The following INSYN2A variants were observed in gnomAD, a reference collection of about 807,000 sequenced individuals.
INSYN2A encodes inhibitory synaptic factor 2A.
Under a neutral mutation model 39.4 loss-of-function variants are expected in INSYN2A, and 17 were observed. The observed-to-expected ratio is 0.43, with a 90% CI of 0.30 to 0.65. The LOEUF (loss-of-function observed/expected upper bound fraction) is 0.65. Among genes scored for constraint, INSYN2A ranks in the 30% least tolerant of loss-of-function variants. The pLI is 0.14. For missense variants in INSYN2A, 595 were observed against 631.2 expected, an observed-to-expected ratio of 0.94 and a Z score of 0.61; for synonymous variants, 255 against 265.7, an observed-to-expected ratio of 0.96 and a Z score of 0.39.
intron 5 of INSYN2A, among the ~76,000 whole-genome samples, chr10:127,152,845 A>C (rs1167153804): frequency 3.3e-5 from 5 of 152,074 alleles, no homozygotes; most frequent in African/African-American, 1.2e-4. Context: ...TCTCCAGGTG[A>C]CCCAGCTTTG....
At chr10:127,167,819 C>T (rs572133286) in intron 4 of INSYN2A, among the ~76,000 whole-genome samples, 1 of 151,926 alleles carries the variant, frequency 6.6e-6, no homozygotes, top group Non-Finnish European at 1.5e-5. Context: ...ACCACCACCC[C>T]CCATCCCCAA....
At chr10:127,195,244 A>T (rs1429788918) in intron 1 of INSYN2A, among the ~76,000 whole-genome samples, 1 of 151,850 alleles carries the variant, frequency 6.6e-6, no homozygotes, top group African/African-American at 2.4e-5. Flanking sequence ...AGCTGCCCCG[A>T]CCCCGGGCTG....
At chr10:127,178,182 G>A (rs1348093864) in intron 2 of INSYN2A, among the ~76,000 whole-genome samples, 5 of 152,212 alleles carry the variant, frequency 3.3e-5, no homozygotes, top group Admixed American at 2.6e-4. Flanking sequence ...GGCCAGCCTG[G>A]TCTTGTCACC....
At chr10:127,180,851 C>T (rs1288606259) in intron 2 of INSYN2A, among the ~76,000 whole-genome samples, 1 of 152,160 alleles carries the variant, frequency 6.6e-6, no homozygotes, top group Admixed American at 6.5e-5. Flanking sequence ...ACAGATTATA[C>T]TGGAAAAAAA....
In INSYN2A at chr10:127,175,507, G is replaced by A; in HGVS notation, c.889C>T (p.Leu297Phe). 1 of 1,608,942 alleles carries A rather than the reference G, an allele frequency of 6.2e-7. No individual in the cohort carries two copies. The highest frequency in any genetic ancestry group is 8.5e-7 in the Non-Finnish European group (1 of 1,180,002). Residue 297 changes from leucine (L) to phenylalanine (F), a missense_variant, in exon 4 of 6, where the codon CTC becomes TTC. Leu to Phe is a conservative substitution (Grantham distance 22). Coordinates refer to ENST00000522781, the MANE Select transcript of INSYN2A (RefSeq NM_001039762.3). This position sits in a 1 kb window ranked among gnomAD's most constrained non-coding sequence, Gnocchi z 6.3. Reference sequence around the variant, plus strand: ...AGGGCAGTTTCCGAGGGCGCCTGGAGCCCGTTGAGATGTGTGGCTCTCCTC... The same window carrying A: ...AGGGCAGTTTCCGAGGGCGCCTGGAACCCGTTGAGATGTGTGGCTCTCCTC... The part of the protein sequence containing the change: ...ERRRATHLNG[L>F]QAPSETALAC...
At chr10:127,171,213 G>C (rs1176550454) in intron 4 of INSYN2A, among the ~76,000 whole-genome samples, 4 of 152,154 alleles carry the variant, frequency 2.6e-5, no homozygotes, top group African/African-American at 4.8e-5. Context: ...TAATGAAGGA[G>C]AGTCTCTTAC....
chr10:127,145,859 CT>C, intron 5 of INSYN2A: 1 of 377,432 alleles, frequency 2.6e-6, no homozygotes, highest in South Asian at 2.0e-5. Context: ...CCATTAGCTG[CT>C]TGTGTGTGTC....
intron 4 of INSYN2A, among the ~76,000 whole-genome samples, chr10:127,162,636 A>C (rs772944585): frequency 6.6e-6 from 1 of 152,238 alleles, no homozygotes; most frequent in Non-Finnish European, 1.5e-5. Context: ...TCACCTGTAC[A>C]TGTAAACTCC....
chr10:127,160,341 G>C (rs1169258106), intron 4 of INSYN2A, among the ~76,000 whole-genome samples: 1 of 152,162 alleles, frequency 6.6e-6, no homozygotes, highest in Non-Finnish European at 1.5e-5. Context: ...TCCTTCATAA[G>C]ATCTTAAATT....
chr10:127,176,338 G>A lies in INSYN2A; in HGVS notation c.58C>T (p.Pro20Ser), dbSNP rs529298057. 1.2e-6 allele frequency: 2 copies of A among 1,613,848 alleles called. No individual in the cohort carries two copies. Among genetic ancestry groups the A allele is most frequent in the Non-Finnish European group, 1.7e-6 (2 of 1,179,980 alleles). The change falls in exon 4 of 6, where the codon CCC becomes TCC. Residue 20 changes from proline to serine, a missense_variant. This residue lies in a region of INSYN2A where 478 missense variants were observed against 467.4 expected (regional missense o/e 1.02). Coordinates refer to ENST00000522781, the MANE Select transcript of INSYN2A (RefSeq NM_001039762.3). The surrounding 1 kb of genome is among the most constrained non-coding windows in gnomAD (Gnocchi z 4.4). ...ILTTSESEVE[P>S]AACLALEMKY... ...ATCTCCAGGGCCAGGCAGGCGGCGGGTTCCACTTCACTCTCCGACGTTGTG... is the reference window on the plus strand; with the variant it reads ...ATCTCCAGGGCCAGGCAGGCGGCGGATTCCACTTCACTCTCCGACGTTGTG...
At chr10:127,138,055 G>A (rs532423571) in intron 5 of INSYN2A, 35 bp from the exon 6 acceptor site, 1 of 1,554,560 alleles carries the variant, frequency 6.4e-7, no homozygotes, top group East Asian at 2.3e-5. Context: ...TTTAGCATTT[G>A]ATCTTTTCCA....
At chr10:127,185,494 C>A (rs2056146917) in intron 2 of INSYN2A, among the ~76,000 whole-genome samples, 1 of 152,178 alleles carries the variant, frequency 6.6e-6, no homozygotes, top group South Asian at 2.1e-4. Flanking sequence ...CCACTGCACT[C>A]CAGCAAGAGA....
At chr10:127,167,502 TC>T (rs973804556) in intron 4 of INSYN2A, among the ~76,000 whole-genome samples, 18 of 151,744 alleles carry the variant, frequency 1.2e-4, no homozygotes, top group Admixed American at 1.1e-3. Flanking sequence ...GCAGCGAGGT[TC>T]CCCCCCGCCC....
intron 5 of INSYN2A, among the ~76,000 whole-genome samples, chr10:127,152,407 C>T (rs577122847): frequency 2.0e-5 from 3 of 152,376 alleles, no homozygotes; most frequent in South Asian, 4.1e-4. Context: ...ATTTTAACCT[C>T]CTCACTGGCA....
intron 4 of INSYN2A, among the ~76,000 whole-genome samples, chr10:127,171,061 G>A (rs1428498583): frequency 1.3e-5 from 2 of 152,160 alleles, no homozygotes; most frequent in Non-Finnish European, 2.9e-5. Flanking sequence ...GGTTATAAGT[G>A]GGAGCTTTGT....
At position 127,196,492 on chromosome 10, in the gene INSYN2A, C is replaced by T. The variant is rs2057161756; in HGVS notation, c.-890G>A. ...GGAAGTCCTTTCCGCTGCTCCAGGT[C>T]CCAGCTACTCCGCGGAGCCGGGCGG... On this transcript the variant is annotated 5_prime_UTR_variant, in exon 1 of 6. Transcript: ENST00000522781. 6.7e-6 allele frequency among the ~76,000 whole-genome samples: 1 copy of T among 148,318 alleles called. No homozygotes were observed. The highest frequency in any genetic ancestry group is 2.1e-4 in the South Asian group (1 of 4,810).
intron 5 of INSYN2A, among the ~76,000 whole-genome samples, chr10:127,149,152 C>T (rs2052216218): frequency 6.6e-6 from 1 of 152,112 alleles, no homozygotes; most frequent in African/African-American, 2.4e-5. Flanking sequence ...AGTTACATCC[C>T]TTGCATAATT....
chr10:127,141,472 G>C (rs1204570360), intron 5 of INSYN2A, among the ~76,000 whole-genome samples: 3 of 152,252 alleles, frequency 2.0e-5, no homozygotes, highest in South Asian at 2.1e-4. Context: ...GGAGGCCGAG[G>C]TGGGCGGATC....
chr10:127,176,599 A>C lies in INSYN2A; in HGVS notation c.-5-199T>G, dbSNP rs1355886026. Among the ~76,000 whole-genome samples, 1 of 152,164 alleles carries C rather than the reference A, an allele frequency of 6.6e-6. No individual in the cohort carries two copies. Among genetic ancestry groups the C allele is most frequent in the Admixed American group, 6.5e-5 (1 of 15,274 alleles). On this transcript the variant is annotated intron_variant, in intron 3 of 5. Transcript: ENST00000522781. The surrounding 1 kb of genome is among the most constrained non-coding windows in gnomAD (Gnocchi z 4.4). The stretch of plus-strand genomic sequence containing the variant: ...CAGCTTGAAATGCTTCTCAGATATT[A>C]AAGCCTGCTTGCTTTTCCAGGTGGG...
Sources: gnomAD v4.1 joint callset for allele counts (sites outside exome capture counted in the v4.1 genomes callset) on GRCh38, gnomAD v4.1.1 for gene constraint, gnomAD v4.1.1 regional missense constraint, Gnocchi (gnomAD v3.1) non-coding constraint, MANE v1.5 for transcripts, NCBI Gene and HGNC (gene_info 2026-07-23, HGNC 2026-07-21) for gene names.